Variants in GLIS3 observed in about 807,000 individuals in gnomAD.
GLIS3 encodes zinc finger protein GLIS3.
In GLIS3, 53 loss-of-function variants were observed where a neutral mutation model predicts 78.6. The ratio of observed to expected loss-of-function variants is 0.67; its 90% CI spans 0.54 to 0.85. The LOEUF (loss-of-function observed/expected upper bound fraction) is 0.85. Among genes scored for constraint, GLIS3 ranks in the 40% least tolerant of loss-of-function variants. GLIS3 has a pLI of 0.00. For synonymous variants in GLIS3, 684 were observed against 509.9 expected (o/e 1.34, Z -4.60); for missense variants, 1,703 against 1,231.1 (o/e 1.38, Z -5.74).
Position 3,825,266 on chromosome 9 carries a change from T to C in GLIS3, c.*3006A>G, listed in dbSNP as rs1375603940. 6.6e-6 allele frequency: 1 copy of C among 152,204 alleles called. No individual in the cohort carries two copies. The highest frequency in any genetic ancestry group is 1.5e-5 in the Non-Finnish European group (1 of 68,040). The allele number at this position is 152,204 out of a possible 1,614,324, so 9.4% of individuals were successfully genotyped here. A position where few individuals can be genotyped will look rare whatever the true frequency, so the allele number is the denominator to read the frequency against. On this transcript the variant is annotated 3_prime_UTR_variant, in exon 11 of 11. Transcript: ENST00000381971. ...TTTCTTCTTATTTTATGATCGCTTA[T>C]GTAATTTGAGGGCGACATGGGTAAT... is the stretch of plus-strand genomic sequence containing the variant.
Position 3,983,893 on chromosome 9 carries a change from T to C in GLIS3, c.1711-46704A>G, listed in dbSNP as rs571598373. 1.6e-4 allele frequency among the ~76,000 whole-genome samples: 24 copies of C among 152,356 alleles called. No individual in the cohort carries two copies. In the South Asian group the frequency reaches 5.0e-3, roughly 32 times the overall value. On this transcript the variant is annotated intron_variant, in intron 4 of 10. Coordinates refer to ENST00000381971, the MANE Select transcript of GLIS3 (RefSeq NM_001042413.2). Reference sequence around the variant, plus strand: ...CGATAGAAAAGAAAATCCCATTTTCTAAGGAGAAATTCAAGCTGGCTGCAG... The same window carrying C: ...CGATAGAAAAGAAAATCCCATTTTCCAAGGAGAAATTCAAGCTGGCTGCAG...
At chr9:4,385,979 T>C in the GLIS3 span, among the ~76,000 whole-genome samples, 4 of 152,170 alleles carry the variant, frequency 2.6e-5, no homozygotes, top group Non-Finnish European at 5.9e-5. Context: ...CAAAGAAATA[T>C]ATTGAGATCC....
At position 3,961,985 on chromosome 9, in the gene GLIS3, G is replaced by A. The variant is rs191484541; in HGVS notation, c.1711-24796C>T. On this transcript the variant is annotated intron_variant, in intron 4 of 10. Coordinates refer to ENST00000381971, the MANE Select transcript of GLIS3 (RefSeq NM_001042413.2). Reference sequence around the variant, plus strand: ...TTTGGGAGGCCGAGGCAGGCGGATTGCTTGGGGTCAGGAGTTTGAAAACAC... The same window carrying A: ...TTTGGGAGGCCGAGGCAGGCGGATTACTTGGGGTCAGGAGTTTGAAAACAC... Among the ~76,000 whole-genome samples the A allele has an allele frequency of 4.0e-3, 610 of 152,246 alleles. 6 individuals carry two copies. The highest frequency in any genetic ancestry group is 0.011 in the African/African-American group (476 of 41,544).
chr9:4,249,297 T>C (rs976560867), intron 2 of GLIS3, among the ~76,000 whole-genome samples: 3 of 152,244 alleles, frequency 2.0e-5, no homozygotes, highest in African/African-American at 7.2e-5. Flanking sequence ...TCTTATTTCT[T>C]TGAGCAGTGG....
intron 4 of GLIS3, among the ~76,000 whole-genome samples, chr9:4,006,573 A>AC (rs1821571513): frequency 6.6e-6 from 1 of 152,044 alleles, no homozygotes; most frequent in African/African-American, 2.4e-5. Flanking sequence ...ACGACCAAAC[A>AC]CCTAGCCCTT....
the GLIS3 span, among the ~76,000 whole-genome samples, chr9:4,389,985 A>G: frequency 6.6e-6 from 1 of 152,190 alleles, no homozygotes; most frequent in South Asian, 2.1e-4. Context: ...GGAATTATTC[A>G]CTCATTCTTT....
At chr9:3,933,457 A>G (rs1467398677) in intron 5 of GLIS3, among the ~76,000 whole-genome samples, 1 of 152,204 alleles carries the variant, frequency 6.6e-6, no homozygotes, top group Non-Finnish European at 1.5e-5. Flanking sequence ...AAACTTATCA[A>G]AAGTTTGAGG....
chr9:4,118,910 A>T lies in GLIS3; in HGVS notation c.597-29T>A, dbSNP rs753523974. ...GAACAGCAGCCAGAAAGGAAGAAAA[A>T]AAAAAGATAAACATTTTAGCAGGAT... is the stretch of plus-strand genomic sequence containing the variant. On this transcript the variant is annotated intron_variant, in intron 3 of 10. Coordinates refer to ENST00000381971, the MANE Select transcript of GLIS3 (RefSeq NM_001042413.2). The surrounding 1 kb of genome is among the most constrained non-coding windows in gnomAD (Gnocchi z 4.7). 1 of 1,595,730 alleles carries T rather than the reference A, an allele frequency of 6.3e-7. No individual in the cohort carries two copies. Among genetic ancestry groups the T allele is most frequent in the South Asian group, 1.1e-5 (1 of 90,572 alleles).
chr9:4,428,986 C>T, the GLIS3 span, among the ~76,000 whole-genome samples: 1 of 152,140 alleles, frequency 6.6e-6, no homozygotes, highest in Admixed American at 6.5e-5. Context: ...ATTTCCAAAA[C>T]CTCATCCTAG....
chr9:4,059,829 T>TGTGAGAGAGAGAGA, intron 4 of GLIS3, among the ~76,000 whole-genome samples: 91 of 100,702 alleles, frequency 9.0e-4, no homozygotes, highest in African/African-American at 2.9e-3. Context: ...TGTGTGTGTG[T>TGTGAGAGAGAGAGA]GAGAGAGAGA....
At chr9:4,207,004 G>T (rs7863424) in intron 2 of GLIS3, among the ~76,000 whole-genome samples, 11 of 152,042 alleles carry the variant, frequency 7.2e-5, no homozygotes, top group Admixed American at 6.5e-4. Flanking sequence ...AGAGCCAGAG[G>T]GGATGGAAGC....
At chr9:4,151,331 C>G (rs576244759) in intron 2 of GLIS3, among the ~76,000 whole-genome samples, 2 of 152,254 alleles carry the variant, frequency 1.3e-5, no homozygotes, top group South Asian at 4.1e-4. Flanking sequence ...TTGAGTTTGC[C>G]TCTATCTCCT....
chr9:4,137,736 G>A (rs749270439), intron 2 of GLIS3, among the ~76,000 whole-genome samples: 5 of 152,318 alleles, frequency 3.3e-5, no homozygotes, highest in Middle Eastern at 3.4e-3. Context: ...TGCTCATGCT[G>A]ACCCCTCTGT....
At chr9:4,360,652 G>C in the GLIS3 span, among the ~76,000 whole-genome samples, 1 of 152,184 alleles carries the variant, frequency 6.6e-6, no homozygotes, top group Admixed American at 6.5e-5. Context: ...TCATGGCAAA[G>C]GACCATTAAT....
rs1015083405 is a variant in GLIS3, at chr9:4,268,057, A to G, written c.388+17981T>C. Among the ~76,000 whole-genome samples the G allele has an allele frequency of 7.2e-5, 11 of 152,066 alleles. No individual in the cohort carries two copies. In the East Asian group the frequency reaches 1.7e-3, roughly 24 times the overall value. ...CATACACACGTGCGTGCGTGCGCAC[A>G]CACACACACACTCACACACACATAG... is the stretch of plus-strand genomic sequence containing the variant. On this transcript the variant is annotated intron_variant, in intron 2 of 10. Coordinates refer to ENST00000381971, the MANE Select transcript of GLIS3 (RefSeq NM_001042413.2).
intron 2 of GLIS3, among the ~76,000 whole-genome samples, chr9:4,227,452 G>C (rs1466106297): frequency 1.3e-5 from 2 of 152,148 alleles, no homozygotes; most frequent in African/African-American, 4.8e-5. Flanking sequence ...CTGATATGGA[G>C]CTCCATCCTA....
At chr9:4,190,084 A>C (rs1199535596) in intron 2 of GLIS3, among the ~76,000 whole-genome samples, 3 of 152,182 alleles carry the variant, frequency 2.0e-5, no homozygotes, top group African/African-American at 4.8e-5. Context: ...AGATGGGGAA[A>C]AAACAGAACA....
chr9:4,301,211 G>A (rs762304759), upstream of GLIS3, among the ~76,000 whole-genome samples: 4 of 151,892 alleles, frequency 2.6e-5, no homozygotes, highest in Non-Finnish European at 5.9e-5. Context: ...CTTCACCTTG[G>A]GACACAAACT....
chr9:3,986,426 G>A (rs993041278), intron 4 of GLIS3, among the ~76,000 whole-genome samples: 5 of 152,184 alleles, frequency 3.3e-5, no homozygotes, highest in African/African-American at 1.2e-4. Flanking sequence ...CCCCCACTGT[G>A]ATCTCTCAAG....
Sources: allele counts gnomAD v4.1 joint callset (sites outside exome capture counted in the v4.1 genomes callset), GRCh38; gene constraint gnomAD v4.1.1; non-coding constraint Gnocchi (gnomAD v3.1); transcripts MANE v1.5; gene names NCBI Gene and HGNC (gene_info 2026-07-23, HGNC 2026-07-21).